The following SLC22A16 variants were observed in gnomAD, a reference collection of about 807,000 sequenced individuals.
SLC22A16 encodes the protein WUGSC:RG331P03.1.
SLC22A16 carries 53 observed loss-of-function variants against 52.9 expected under a neutral mutation model. That is an observed-to-expected ratio of 1.00 (90% CI 0.80 to 1.26). The LOEUF (loss-of-function observed/expected upper bound fraction) is 1.26. SLC22A16 is among the 50% of genes most tolerant of loss of function. The pLI is 0.00. For synonymous variants in SLC22A16, 291 were observed against 268.8 expected (o/e 1.08, Z -0.81); for missense variants, 726 against 704.0 (o/e 1.03, Z -0.35).
intron 1 of SLC22A16, among the ~76,000 whole-genome samples, chr6:110,469,663 T>TA (rs967270960): frequency 1.3e-5 from 2 of 152,136 alleles, no homozygotes; most frequent in African/African-American, 2.4e-5. Flanking sequence ...GCTGACAAAC[T>TA]AAAAAAAATC....
intron 5 of SLC22A16, among the ~76,000 whole-genome samples, chr6:110,437,597 G>T (rs1477909072): frequency 1.3e-5 from 2 of 152,118 alleles, no homozygotes; most frequent in Non-Finnish European, 2.9e-5. Context: ...AATTTCAAAC[G>T]ATATGCAAAA....
intron 4 of SLC22A16, among the ~76,000 whole-genome samples, chr6:110,440,978 A>G (rs1774942635): frequency 6.6e-6 from 1 of 152,250 alleles, no homozygotes; most frequent in Non-Finnish European, 1.5e-5. Context: ...AATTGAAGCA[A>G]GAACAAACAT....
At chr6:110,427,900 T>A (rs1393619517) in intron 7 of SLC22A16, among the ~76,000 whole-genome samples, 1 of 152,198 alleles carries the variant, frequency 6.6e-6, no homozygotes, top group Non-Finnish European at 1.5e-5. Context: ...CTGGTGGTGA[T>A]TTGCTCTCCT....
chr6:110,431,030 G>T, intron 7 of SLC22A16, 141 bp downstream of exon 7: 1 of 664,030 alleles, frequency 1.5e-6, no homozygotes, highest in Non-Finnish European at 2.6e-6. Context: ...CTGGCCAGCT[G>T]TTGGTAATGG....
chr6:110,449,202 C>A (rs1166272168), intron 2 of SLC22A16, among the ~76,000 whole-genome samples: 1 of 152,066 alleles, frequency 6.6e-6, no homozygotes, highest in East Asian at 1.9e-4. Context: ...TCTCTAATGC[C>A]ACTGACCATG....
chr6:110,431,946 T>C (rs1774522347), intron 6 of SLC22A16, among the ~76,000 whole-genome samples: 1 of 152,172 alleles, frequency 6.6e-6, no homozygotes, highest in Non-Finnish European at 1.5e-5. Context: ...GGAATTTGTT[T>C]CAGGTAGGGA....
chr6:110,456,496 A>G (rs766521327), intron 2 of SLC22A16, 42 bp downstream of exon 2: 44 of 1,576,722 alleles, frequency 2.8e-5, no homozygotes, highest in Non-Finnish European at 3.8e-5. Context: ...ATAGGAAAAT[A>G]AACCCTACAC....
intron 1 of SLC22A16, among the ~76,000 whole-genome samples, chr6:110,472,950 G>A (rs184918392): frequency 1.3e-5 from 2 of 152,284 alleles, no homozygotes; most frequent in Middle Eastern, 3.4e-3. Flanking sequence ...CATAACTGGT[G>A]GAGTCCATCA....
intron 5 of SLC22A16, 33 bp downstream of exon 5, chr6:110,438,684 GTAT>G (rs1220140452): frequency 6.2e-7 from 1 of 1,600,756 alleles, no homozygotes; most frequent in East Asian, 2.2e-5. Context: ...AACTGTCACA[GTAT>G]AACTGTCTTA....
At chr6:110,475,421 T>C (rs147367687) in intron 1 of SLC22A16, among the ~76,000 whole-genome samples, 30 of 152,350 alleles carry the variant, frequency 2.0e-4, no homozygotes, top group Admixed American at 6.5e-4. Flanking sequence ...CAACGGCTTA[T>C]GACCGAGCCA....
In SLC22A16 at chr6:110,476,507, G is replaced by GCCCCCCCCCCCC. The variant is rs1554229887; in HGVS notation, c.53+14_53+15insGGGGGGGGGGGG. On this transcript the variant is annotated intron_variant, in intron 1 of 7. Transcript: ENST00000368919. ...GCCGCCTCCCGCGTGGCGCCGCGGG[G>GCCCCCCCCCCCC]CCCCTCCCCCATACCTGCCGAAGTG... is the stretch of plus-strand genomic sequence containing the variant. 21 of 1,072,972 alleles carry GCCCCCCCCCCCC rather than the reference G, an allele frequency of 2.0e-5. No individual in the cohort carries two copies. The African/African-American group carries it at 3.9e-4, about 20-fold the overall frequency. The allele number at this position is 1,072,972 out of a possible 1,614,324, so 66.5% of individuals were successfully genotyped here. A position where few individuals can be genotyped will look rare whatever the true frequency, so the allele number is the denominator to read the frequency against.
At position 110,446,867 on chromosome 6, in the gene SLC22A16, A is replaced by G. The variant is rs377478373; in HGVS notation, c.651+6T>C. ...CAGAATTAAAGAAGTAAAAAACACAACTCACCATGGCAAGAAAAAAGCGAG... is the reference window on the plus strand; with the variant it reads ...CAGAATTAAAGAAGTAAAAAACACAGCTCACCATGGCAAGAAAAAAGCGAG... On this transcript the variant is annotated splice_donor_region_variant and intron_variant, in intron 3 of 7. Coordinates refer to ENST00000368919, the MANE Select transcript of SLC22A16 (RefSeq NM_033125.4). 1.2e-4 allele frequency: 186 copies of G among 1,604,952 alleles called. No individual in the cohort carries two copies. The highest frequency in any genetic ancestry group is 1.7e-4 in the Middle Eastern group (1 of 6,034).
At chr6:110,448,092 G>A (rs550371539) in intron 2 of SLC22A16, among the ~76,000 whole-genome samples, 2 of 152,220 alleles carry the variant, frequency 1.3e-5, no homozygotes, top group Non-Finnish European at 2.9e-5. Flanking sequence ...CAAGATGGCC[G>A]CCCCATTTTT....
At chr6:110,446,241 G>C (rs1426441067) in intron 3 of SLC22A16, among the ~76,000 whole-genome samples, 1 of 152,110 alleles carries the variant, frequency 6.6e-6, no homozygotes. Flanking sequence ...CTCCTTGCTC[G>C]CTAGTCCATT....
chr6:110,457,954 A>G (rs186853562), intron 1 of SLC22A16, among the ~76,000 whole-genome samples: 2 of 152,230 alleles, frequency 1.3e-5, no homozygotes, highest in East Asian at 3.9e-4. Flanking sequence ...AGGGCCTGAC[A>G]TCAGTCAGGC....
chr6:110,444,555 AC>A (rs1287059138), intron 3 of SLC22A16, among the ~76,000 whole-genome samples: 1 of 152,052 alleles, frequency 6.6e-6, no homozygotes, highest in Non-Finnish European at 1.5e-5. Flanking sequence ...CTGTTCCCTC[AC>A]TGCTTTTAAA....
intron 1 of SLC22A16, chr6:110,476,008 G>A (rs1368782584): frequency 6.6e-6 from 3 of 455,868 alleles, no homozygotes; most frequent in Non-Finnish European, 1.3e-5. Flanking sequence ...AGTGTACCTG[G>A]CACGTATTAG....
chr6:110,445,671 G>A (rs184582698), intron 3 of SLC22A16, among the ~76,000 whole-genome samples: 79 of 152,272 alleles, frequency 5.2e-4, no homozygotes, highest in Non-Finnish European at 6.5e-4. Context: ...AAGCCAACGC[G>A]TGGTATTTTG....
chr6:110,438,117 G>A (rs777160213), intron 5 of SLC22A16, among the ~76,000 whole-genome samples: 3 of 151,904 alleles, frequency 2.0e-5, no homozygotes, highest in Non-Finnish European at 2.9e-5. Flanking sequence ...ACGCCCTCTC[G>A]TTACATTTAC....
Sources: gnomAD v4.1 joint callset for allele counts (sites outside exome capture counted in the v4.1 genomes callset) on GRCh38, gnomAD v4.1.1 for gene constraint, MANE v1.5 for transcripts, NCBI Gene and HGNC (gene_info 2026-07-23, HGNC 2026-07-21) for gene names.